CCBE1: variants seen among roughly 807,000 people sequenced by gnomAD.
The protein encoded by CCBE1 is collagen and calcium binding EGF domains 1.
In CCBE1, 37 loss-of-function variants were observed where a neutral mutation model predicts 50.0. That is an observed-to-expected ratio of 0.74 (90% CI 0.57 to 0.97). The LOEUF is 0.97. CCBE1 is among the 50% of genes least tolerant of loss of function. The probability of loss-of-function intolerance (pLI) is 0.00; values close to 1 mark genes in which losing one functional copy is unlikely to be tolerated. For synonymous variants in CCBE1, 234 were observed against 203.7 expected, an observed-to-expected ratio of 1.15 and a Z score of -1.27; for missense variants, 538 against 523.8, an observed-to-expected ratio of 1.03 and a Z score of -0.26.
At chr18:59,645,245 A>G (rs2054041360) in intron 2 of CCBE1, among the ~76,000 whole-genome samples, 3 of 151,916 alleles carry the variant, frequency 2.0e-5, no homozygotes. Flanking sequence ...ACAACAAAAA[A>G]GCTACACTTA....
chr18:59,618,088 T>C (rs552311851), intron 2 of CCBE1, among the ~76,000 whole-genome samples: 3 of 152,336 alleles, frequency 2.0e-5, no homozygotes, highest in East Asian at 3.9e-4. Flanking sequence ...GTATGAGGTA[T>C]ATGTCCCCCA....
intron 2 of CCBE1, among the ~76,000 whole-genome samples, chr18:59,564,264 C>A (rs1049521605): frequency 1.3e-5 from 2 of 152,172 alleles, no homozygotes; most frequent in Non-Finnish European, 2.9e-5. Context: ...AGGGTAAATT[C>A]CTCTTTAATC....
At chr18:59,542,367 C>T (rs1246084122) in intron 2 of CCBE1, among the ~76,000 whole-genome samples, 1 of 151,890 alleles carries the variant, frequency 6.6e-6, no homozygotes, top group Admixed American at 6.6e-5. Context: ...TTTATGAACA[C>T]GTGGCATGAT....
At chr18:59,561,265 G>A (rs1239706440) in intron 2 of CCBE1, among the ~76,000 whole-genome samples, 1 of 152,110 alleles carries the variant, frequency 6.6e-6, no homozygotes, top group Non-Finnish European at 1.5e-5. Context: ...CATGCCCAAA[G>A]CTTATGTGTC....
chr18:59,692,023 C>T (rs1398199328), intron 2 of CCBE1, among the ~76,000 whole-genome samples: 1 of 152,162 alleles, frequency 6.6e-6, no homozygotes, highest in Non-Finnish European at 1.5e-5. Context: ...TAGCAGGAAA[C>T]AAAGATACTC....
intron 7 of CCBE1, among the ~76,000 whole-genome samples, chr18:59,442,790 ACT>A (rs1211209452): frequency 6.6e-6 from 1 of 152,082 alleles, no homozygotes; most frequent in Non-Finnish European, 1.5e-5. Flanking sequence ...TGGGTTCCTG[ACT>A]CTGGTTTGAA....
At chr18:59,676,709 T>C (rs935630326) in intron 2 of CCBE1, among the ~76,000 whole-genome samples, 1 of 152,188 alleles carries the variant, frequency 6.6e-6, no homozygotes, top group Non-Finnish European at 1.5e-5. Flanking sequence ...CAAGCAATTT[T>C]AAGTACTACA....
intron 2 of CCBE1, among the ~76,000 whole-genome samples, chr18:59,522,820 T>C (rs1210929653): frequency 6.6e-6 from 1 of 151,722 alleles, no homozygotes; most frequent in African/African-American, 2.4e-5. Context: ...AAACCTCGTC[T>C]CTACTAAGAA....
chr18:59,531,478 C>T (rs1020965263), intron 2 of CCBE1, among the ~76,000 whole-genome samples: 2 of 152,068 alleles, frequency 1.3e-5, no homozygotes, highest in Admixed American at 6.6e-5. Context: ...AATTATGAGA[C>T]ACCTACTATG....
chr18:59,670,393 T>C (rs1053810786), intron 2 of CCBE1, among the ~76,000 whole-genome samples: 2 of 152,072 alleles, frequency 1.3e-5, no homozygotes, highest in African/African-American at 4.8e-5. Context: ...GGATGGCAAA[T>C]GTCTGAGAAG....
At chr18:59,589,790 CAAAAAAA>C (rs752546235) in intron 2 of CCBE1, among the ~76,000 whole-genome samples, 4 of 73,114 alleles carry the variant, frequency 5.5e-5, no homozygotes, top group African/African-American at 2.1e-4. Context: ...GACTCCATCT[CAAAAAAA>C]AAAAAAAAAA....
rs1429283039 is a variant in CCBE1 at position 59,433,048 on chromosome 18, C to CT, written c.*2859dup. ...ATATATTCCAGATGGGAATCAACAG[C>CT]TGTTCAGTTCCTCTCTCTATAAACC... On this transcript the variant is annotated 3_prime_UTR_variant, in exon 11 of 11. Transcript: ENST00000439986. The CT allele has an allele frequency of 6.6e-6, 1 of 152,028 alleles. No individual in the cohort carries two copies. The highest frequency in any genetic ancestry group is 1.5e-5 in the Non-Finnish European group (1 of 68,026). 9.4% of individuals were successfully genotyped at this position (152,028 alleles called of 1,614,324 possible).
chr18:59,493,621 TGAGCCCAGGCTGCTGGGCTCCA>T (rs1913213158), intron 2 of CCBE1, among the ~76,000 whole-genome samples: 2 of 152,146 alleles, frequency 1.3e-5, no homozygotes, highest in Non-Finnish European at 2.9e-5. Flanking sequence ...AGCCAGGACA[TGAGCCCAGGCTGCTGGGCTCCA>T]GAGCCCACCT....
chr18:59,695,948 G>A (rs1332297124), intron 2 of CCBE1, among the ~76,000 whole-genome samples: 1 of 151,758 alleles, frequency 6.6e-6, no homozygotes, highest in Non-Finnish European at 1.5e-5. Flanking sequence ...CCAAAAGGCT[G>A]CAAGCAGAAC....
In CCBE1 at chr18:59,537,011, G is replaced by C. The variant is rs200283050; in HGVS notation, c.213-56773C>G. On this transcript the variant is annotated intron_variant, in intron 2 of 10. Coordinates refer to ENST00000439986, the MANE Select transcript of CCBE1 (RefSeq NM_133459.4). The stretch of plus-strand genomic sequence containing the variant: ...GTCTCAAAAAAAAAAAAAAAAAATG[G>C]ATGTTTTTCATGTTTCTGCTCACAT... 2.0e-4 allele frequency among the ~76,000 whole-genome samples: 29 copies of C among 143,258 alleles called. 1 individual carries two copies. The East Asian group carries it at 5.3e-3, about 26-fold the overall frequency. The allele number at this position is 143,258 out of a possible 152,430, so 94.0% of individuals were successfully genotyped here. A position where few individuals can be genotyped will look rare whatever the true frequency, so the allele number is the denominator to read the frequency against.
chr18:59,458,573 T>A (rs937074047), intron 5 of CCBE1, among the ~76,000 whole-genome samples: 1 of 152,242 alleles, frequency 6.6e-6, no homozygotes, highest in Non-Finnish European at 1.5e-5. Flanking sequence ...TTTAGTTCAA[T>A]CTCTTTTGTA....
intron 2 of CCBE1, among the ~76,000 whole-genome samples, chr18:59,607,849 C>T (rs893007298): frequency 7.2e-5 from 11 of 152,158 alleles, no homozygotes; most frequent in Middle Eastern, 3.2e-3. Context: ...CTGAGGCAGA[C>T]GGATCACCTG....
intron 2 of CCBE1, among the ~76,000 whole-genome samples, chr18:59,513,723 G>A (rs1411309813): frequency 6.6e-6 from 1 of 152,246 alleles, no homozygotes; most frequent in African/African-American, 2.4e-5. Context: ...ACGGGGACGG[G>A]CCTGGCAATG....
intron 2 of CCBE1, among the ~76,000 whole-genome samples, chr18:59,560,139 C>T (rs1198469861): frequency 6.6e-6 from 1 of 152,220 alleles, no homozygotes; most frequent in Non-Finnish European, 1.5e-5. Context: ...GGTAGCCAGA[C>T]TATATAGCAG....
Sources: allele counts gnomAD v4.1 joint callset (sites outside exome capture counted in the v4.1 genomes callset), GRCh38; gene constraint gnomAD v4.1.1; transcripts MANE v1.5; gene names NCBI Gene and HGNC (gene_info 2026-07-23, HGNC 2026-07-21).